Variants in DTNB observed in about 807,000 individuals in gnomAD.
DTNB encodes dystrobrevin beta, also known as DTN-B.
A neutral mutation model predicts 90.7 loss-of-function variants in DTNB; 63 were observed. The ratio of observed to expected loss-of-function variants is 0.69; its 90% CI spans 0.57 to 0.86. The LOEUF (loss-of-function observed/expected upper bound fraction) is 0.86, where lower values mean the gene tolerates loss of function less well. Ranked by LOEUF, DTNB falls within the 40% of genes least tolerant of loss-of-function variation. The pLI, the probability that DTNB is intolerant of heterozygous loss-of-function variation, is 0.00. For synonymous variants in DTNB, 277 were observed against 286.7 expected, an observed-to-expected ratio of 0.97 and a Z score of 0.34; for missense variants, 744 against 807.1, an observed-to-expected ratio of 0.92 and a Z score of 0.95.
chr2:25,594,943 T>C (rs1052158680), intron 6 of DTNB: 11 of 152,398 alleles, frequency 7.2e-5, no homozygotes, highest in African/African-American at 2.6e-4. Flanking sequence ...ACGTCCGTTA[T>C]AGCAACAGAA....
rs898794217 is a variant in DTNB, at chr2:25,467,495, G to A, written c.1080-12001C>T. On this transcript the variant is annotated intron_variant, in intron 10 of 20. Transcript: ENST00000406818. Reference sequence around the variant, plus strand: ...AGAAAAAAATTCTTTGTAAATATGTGGTCTTGCTGTGTTGCCCATACTGGT... The same window carrying A: ...AGAAAAAAATTCTTTGTAAATATGTAGTCTTGCTGTGTTGCCCATACTGGT... Among the ~76,000 whole-genome samples the A allele has an allele frequency of 2.0e-5, 3 of 151,788 alleles. No individual in the cohort carries two copies. In the East Asian group the frequency reaches 5.8e-4, roughly 29 times the overall value.
chr2:25,593,261 C>T (rs2063903436), intron 6 of DTNB, among the ~76,000 whole-genome samples: 1 of 152,212 alleles, frequency 6.6e-6, no homozygotes, highest in African/African-American at 2.4e-5. Flanking sequence ...GGGGAAAGTG[C>T]ATATGAAAAA....
intron 16 of DTNB, among the ~76,000 whole-genome samples, chr2:25,389,331 G>A (rs1326398954): frequency 6.6e-6 from 1 of 152,232 alleles, no homozygotes; most frequent in Non-Finnish European, 1.5e-5. Flanking sequence ...TGCGGAGCTC[G>A]GCTGCAGGCT....
chr2:25,564,239 T>C (rs1049594643), intron 8 of DTNB, among the ~76,000 whole-genome samples: 4 of 152,212 alleles, frequency 2.6e-5, no homozygotes, highest in Admixed American at 2.0e-4. Context: ...GATCAGTTTA[T>C]GGGGTTATGC....
chr2:25,404,762 G>A (rs901321316), intron 16 of DTNB, among the ~76,000 whole-genome samples: 4 of 152,134 alleles, frequency 2.6e-5, no homozygotes, highest in African/African-American at 9.7e-5. Context: ...GGCTGAGGCA[G>A]GAGAATCGCT....
chr2:25,526,224 T>C (rs960661822), intron 9 of DTNB, among the ~76,000 whole-genome samples: 10 of 151,664 alleles, frequency 6.6e-5, no homozygotes, highest in Non-Finnish European at 8.8e-5. Context: ...GAAACTCTCA[T>C]GCAGCTCCAT....
chr2:25,569,262 G>A (rs1016557544), intron 8 of DTNB, among the ~76,000 whole-genome samples: 20 of 152,144 alleles, frequency 1.3e-4, no homozygotes, highest in African/African-American at 4.3e-4. Context: ...GGTGTTTAAT[G>A]TCACTAACTT....
At chr2:25,396,361 A>G (rs564664679) in intron 16 of DTNB, among the ~76,000 whole-genome samples, 70 of 152,222 alleles carry the variant, frequency 4.6e-4, no homozygotes, top group Middle Eastern at 3.4e-3. Context: ...AAATACAAAA[A>G]TTAGCCAGAT....
At chr2:25,536,460 G>A (rs1343510330) in intron 8 of DTNB, among the ~76,000 whole-genome samples, 6 of 152,130 alleles carry the variant, frequency 3.9e-5, no homozygotes, top group South Asian at 2.1e-4. Context: ...CCAGCACCTC[G>A]GGAGGCCGAG....
chr2:25,434,295 T>C (rs2054942986), intron 12 of DTNB, among the ~76,000 whole-genome samples: 1 of 152,108 alleles, frequency 6.6e-6, no homozygotes, highest in African/African-American at 2.4e-5. Flanking sequence ...CTGTCTATAG[T>C]TCTGCCTTTT....
chr2:25,434,820 C>T (rs562338147), intron 12 of DTNB, among the ~76,000 whole-genome samples: 15 of 152,286 alleles, frequency 9.8e-5, no homozygotes, highest in African/African-American at 3.6e-4. Context: ...TTTACAATTG[C>T]ATTAATAATA....
intron 9 of DTNB, among the ~76,000 whole-genome samples, chr2:25,521,704 CG>C (rs1195214491): frequency 6.6e-6 from 1 of 152,150 alleles, no homozygotes; most frequent in Non-Finnish European, 1.5e-5. Context: ...ACTTTACTTA[CG>C]GACACTGACG....
At chr2:25,548,284 T>C (rs1035763020) in intron 8 of DTNB, among the ~76,000 whole-genome samples, 3 of 152,220 alleles carry the variant, frequency 2.0e-5, no homozygotes, top group African/African-American at 7.2e-5. Context: ...TCATTTGAGA[T>C]GTAAAGCATA....
At position 25,645,293 on chromosome 2, in the gene DTNB, G is replaced by A. The variant is rs60580264; in HGVS notation, c.68-6199C>T. 2.9e-3 allele frequency among the ~76,000 whole-genome samples: 435 copies of A among 148,488 alleles called. 3 individuals are homozygous for A. Among genetic ancestry groups the A allele is most frequent in the African/African-American group, 0.01 (422 of 40,290 alleles). On this transcript the variant is annotated intron_variant, in intron 2 of 20. Coordinates refer to ENST00000406818, the MANE Select transcript of DTNB (RefSeq NM_021907.5). ...AGCTACTTGAGAGGGTGAGGCATGA[G>A]AACTGCTTGAGCTGAGATTGAGCCA...
chr2:25,607,472 T>C (rs76970803), intron 4 of DTNB, among the ~76,000 whole-genome samples, 151 bp from the exon 5 acceptor site: 4 of 152,116 alleles, frequency 2.6e-5, no homozygotes, highest in Non-Finnish European at 4.4e-5. Flanking sequence ...TTTTTTTTTT[T>C]CATTTGTAGA....
chr2:25,473,254 AG>A (rs2063146096), intron 10 of DTNB, among the ~76,000 whole-genome samples: 1 of 152,188 alleles, frequency 6.6e-6, no homozygotes, highest in South Asian at 2.1e-4. Context: ...TTTGGTATTA[AG>A]AGGAGTGAAA....
rs569754351 is a variant in DTNB at position 25,395,616 on chromosome 2, C to CAG, written c.1576-7257_1576-7256dup. Reference sequence around the variant, plus strand: ...TACATCTCTCTAACCACATCAGCATCAGTTTCTAGCAATAGCAAATATTCA... The same window carrying CAG: ...TACATCTCTCTAACCACATCAGCATCAGAGTTTCTAGCAATAGCAAATATTCA... On this transcript the variant is annotated intron_variant, in intron 16 of 20. Transcript: ENST00000406818. 6.0e-3 allele frequency among the ~76,000 whole-genome samples: 910 copies of CAG among 151,164 alleles called. 10 individuals carry two copies. The highest frequency in any genetic ancestry group is 0.021 in the Middle Eastern group (6 of 292).
intron 5 of DTNB, among the ~76,000 whole-genome samples, chr2:25,602,051 G>A (rs2065994863): frequency 6.6e-6 from 1 of 150,968 alleles, no homozygotes; most frequent in African/African-American, 2.4e-5. Context: ...GAACCCGGGA[G>A]GTGGAAGCTG....
chr2:25,527,883 G>C (rs918758103), intron 9 of DTNB, among the ~76,000 whole-genome samples: 1 of 152,048 alleles, frequency 6.6e-6, no homozygotes, highest in South Asian at 2.1e-4. Context: ...TATGAAAAGA[G>C]AGAATGCTCC....
Sources: allele counts gnomAD v4.1 joint callset (sites outside exome capture counted in the v4.1 genomes callset), GRCh38; gene constraint gnomAD v4.1.1; transcripts MANE v1.5; gene names NCBI Gene and HGNC (gene_info 2026-07-23, HGNC 2026-07-21).